TRIM75: variants seen among roughly 807,000 people sequenced by gnomAD.
TRIM75 encodes tripartite motif containing 75.
chr4:165,055,023 T>C, the TRIM75 span, among the ~76,000 whole-genome samples: 71 of 152,190 alleles, frequency 4.7e-4, no homozygotes, highest in East Asian at 0.013. Flanking sequence ...TGATCTCCCT[T>C]TATTTAACCA....
the TRIM75 span, chr4:165,059,572 A>G: frequency 1.2e-5 from 9 of 780,908 alleles, no homozygotes; most frequent in South Asian, 1.2e-4. Context: ...CATTATAGGA[A>G]AAGATTCTGC....
chr4:165,059,765 TGAA>T, the TRIM75 span: 18 of 780,716 alleles, frequency 2.3e-5, no homozygotes, highest in Non-Finnish European at 4.3e-5. Context: ...CCAGATTAGC[TGAA>T]GAAGAGAAGG....
chr4:165,054,746 G>C, the TRIM75 span, among the ~76,000 whole-genome samples: 7 of 152,232 alleles, frequency 4.6e-5, no homozygotes, highest in African/African-American at 1.7e-4. Context: ...TATGGTTCCT[G>C]ATTTATTTAC....
chr4:165,053,958 G>A, the TRIM75 span, among the ~76,000 whole-genome samples: 2 of 152,002 alleles, frequency 1.3e-5, no homozygotes, highest in Admixed American at 6.6e-5. Context: ...GGTAAGCTGG[G>A]AAGTGACATT....
the TRIM75 span, among the ~76,000 whole-genome samples, chr4:165,054,135 C>T: frequency 6.6e-6 from 1 of 151,974 alleles, no homozygotes; most frequent in East Asian, 1.9e-4. Flanking sequence ...CTCTGTGACC[C>T]AGGCTGGAGT....
chr4:165,059,559 A>T, the TRIM75 span: 4 of 780,804 alleles, frequency 5.1e-6, no homozygotes, highest in Non-Finnish European at 9.6e-6. Flanking sequence ...GAAAGCTGCC[A>T]TTCATTATAG....
the TRIM75 span, chr4:165,060,019 A>C: frequency 1.3e-6 from 1 of 772,450 alleles, no homozygotes; most frequent in Non-Finnish European, 2.4e-6. Context: ...ATTATAAAGA[A>C]ATTTAAAGTA....
At chr4:165,057,671 C>T in the TRIM75 span, among the ~76,000 whole-genome samples, 696 of 152,228 alleles carry the variant, frequency 4.6e-3, 7 homozygotes, top group African/African-American at 0.016. Flanking sequence ...GTAGCTATTA[C>T]AGGCATGTGC....
chr4:165,054,266 ATTTTTTTT>A, the TRIM75 span, among the ~76,000 whole-genome samples: 2 of 96,862 alleles, frequency 2.1e-5, no homozygotes, highest in African/African-American at 3.8e-5. Context: ...TAATTTGTGT[ATTTTTTTT>A]TTTTTTTTTT....
the TRIM75 span, chr4:165,060,120 G>C: frequency 2.6e-6 from 2 of 780,878 alleles, no homozygotes; most frequent in African/African-American, 1.7e-5. Context: ...AAAACAAAAG[G>C]TTCCTGGTTT....
At chr4:165,059,916 G>A in the TRIM75 span, 5 of 779,330 alleles carry the variant, frequency 6.4e-6, no homozygotes, top group Admixed American at 1.7e-5. Context: ...AATTTTCTAC[G>A]AATCTGAAAA....
chr4:165,055,511 G>A, the TRIM75 span, among the ~76,000 whole-genome samples: 5 of 152,026 alleles, frequency 3.3e-5, no homozygotes, highest in East Asian at 7.8e-4. Context: ...CTCAGCTCCC[G>A]ACCTCAGGTG....
the TRIM75 span, chr4:165,060,516 C>A: frequency 1.3e-6 from 1 of 777,180 alleles, no homozygotes; most frequent in South Asian, 1.4e-5. Context: ...ACCAGATTCA[C>A]AACCTCTCAG....
the TRIM75 span, chr4:165,060,247 A>G: frequency 1.3e-6 from 1 of 780,892 alleles, no homozygotes; most frequent in Non-Finnish European, 2.4e-6. Flanking sequence ...GGCATTTGCA[A>G]AGATTCTCTT....
the TRIM75 span, among the ~76,000 whole-genome samples, chr4:165,056,912 C>T: frequency 2.1e-4 from 32 of 152,116 alleles, no homozygotes; most frequent in Non-Finnish European, 3.7e-4. Flanking sequence ...CCACTGCGCC[C>T]GGCCAATCCA....
chr4:165,059,212 A>T, the TRIM75 span: 86 of 780,200 alleles, frequency 1.1e-4, no homozygotes, highest in African/African-American at 1.2e-3. Flanking sequence ...TGTCTGGATT[A>T]CCTGAGTGAC....
At chr4:165,060,510 G>C in the TRIM75 span, 5 of 777,850 alleles carry the variant, frequency 6.4e-6, no homozygotes, top group Non-Finnish European at 1.2e-5. Flanking sequence ...TGTAGGACCA[G>C]ATTCACAACC....
At chr4:165,058,453 T>C in the TRIM75 span, among the ~76,000 whole-genome samples, 5 of 152,310 alleles carry the variant, frequency 3.3e-5, no homozygotes, top group East Asian at 7.7e-4. Flanking sequence ...ATTGTCATTA[T>C]TTACCTGATT....
chr4:165,054,758 A>G, the TRIM75 span, among the ~76,000 whole-genome samples: 31 of 152,136 alleles, frequency 2.0e-4, no homozygotes, highest in African/African-American at 7.2e-4. Flanking sequence ...TTTATTTACT[A>G]GTTTTGTCCT....
Sources: allele counts gnomAD v4.1 joint callset (sites outside exome capture counted in the v4.1 genomes callset), GRCh38; gene constraint gnomAD v4.1.1; transcripts MANE v1.5; gene names NCBI Gene and HGNC (gene_info 2026-07-23, HGNC 2026-07-21).